The following KIFC3 variants were observed in gnomAD, a reference collection of about 807,000 sequenced individuals.
KIFC3 encodes the protein kinesin family member C3, also known as kinesin-like protein KIFC3.
Under a neutral mutation model 101.8 loss-of-function variants are expected in KIFC3, and 60 were observed. That is an observed-to-expected ratio of 0.59 (90% CI 0.48 to 0.73). The LOEUF (loss-of-function observed/expected upper bound fraction) is 0.73. Ranked by LOEUF, KIFC3 falls within the 30% of genes least tolerant of loss-of-function variation. The pLI, the probability that KIFC3 is intolerant of heterozygous loss-of-function variation, is 0.00. For synonymous variants in KIFC3, 476 were observed against 482.7 expected (o/e 0.99, Z 0.18); for missense variants, 966 against 1,137.1 (o/e 0.85, Z 2.16).
At chr16:57,848,060 A>T (rs2055972459) in intron 1 of KIFC3, among the ~76,000 whole-genome samples, 1 of 152,218 alleles carries the variant, frequency 6.6e-6, no homozygotes, top group African/African-American at 2.4e-5. Flanking sequence ...TACTGGCATT[A>T]CAGGCGTGGG....
chr16:57,801,723 C>T (rs2054737819), intron 1 of KIFC3, among the ~76,000 whole-genome samples: 1 of 152,232 alleles, frequency 6.6e-6, no homozygotes, highest in Non-Finnish European at 1.5e-5. Flanking sequence ...ACAGCTTCCT[C>T]TTTAATATCT....
rs2051345106 is a variant in KIFC3, at chr16:57,772,250, C to A, written c.354G>T (p.Gln118His). ...HLKEKLISQA[Q>H]EVSRLRSELG... is the part of the protein sequence containing the mutation. Reference sequence around the variant, plus strand: ...GCTCAGATCGCAGTCGGCTCACTTCCTGGGCCTGGCTAATGAGCTTCTCCT... The same window carrying A: ...GCTCAGATCGCAGTCGGCTCACTTCATGGGCCTGGCTAATGAGCTTCTCCT... The change falls in exon 4 of 20, where the codon CAG (glutamine) becomes CAT (histidine). Residue 118 changes from glutamine to histidine, a missense_variant. By Grantham distance (24) the Gln-to-His change is conservative (BLOSUM62 0). Around this residue, in one of 2 missense-constraint regions of KIFC3, gnomAD observed 277 missense variants for 252.5 expected, o/e 1.10. Coordinates refer to ENST00000445690, the MANE Select transcript of KIFC3 (RefSeq NM_001130100.2). 6.2e-7 allele frequency: 1 copy of A among 1,613,708 alleles called. No individual in the cohort carries two copies. Among genetic ancestry groups the A allele is most frequent in the South Asian group, 1.1e-5 (1 of 91,082 alleles).
intron 1 of KIFC3, among the ~76,000 whole-genome samples, chr16:57,851,805 T>C (rs1325681383): frequency 6.6e-6 from 1 of 152,048 alleles, no homozygotes; most frequent in Non-Finnish European, 1.5e-5. Context: ...AATGGTGCAA[T>C]CTTGGCTCAC....
At chr16:57,842,330 GCC>G (rs2149313917) in intron 1 of KIFC3, among the ~76,000 whole-genome samples, 1 of 152,210 alleles carries the variant, frequency 6.6e-6, no homozygotes, top group East Asian at 1.9e-4. Flanking sequence ...CAGGGTCAGA[GCC>G]CCCTGTGTCT....
intron 12 of KIFC3, 128 bp from the exon 13 acceptor site, chr16:57,762,398 TG>T: frequency 1.0e-6 from 1 of 980,020 alleles, no homozygotes; most frequent in Non-Finnish European, 1.4e-6. Context: ...CTTACCTACC[TG>T]CCACTGTCCC....
At chr16:57,827,120 G>A (rs1048245330) in intron 1 of KIFC3, among the ~76,000 whole-genome samples, 37 of 152,360 alleles carry the variant, frequency 2.4e-4, no homozygotes, top group African/African-American at 8.4e-4. Flanking sequence ...CATGGACCCC[G>A]TCATCTCTCA....
chr16:57,796,754 A>T (rs80182397), intron 2 of KIFC3, among the ~76,000 whole-genome samples: 2,818 of 152,326 alleles, frequency 0.018, 102 homozygotes, highest in African/African-American at 0.065. Context: ...ATGCACACAC[A>T]CACACAGACA....
In KIFC3 at chr16:57,835,828, T is replaced by A. The variant is rs117311661; in HGVS notation, c.108+26901A>T. On this transcript the variant is annotated intron_variant, in intron 1 of 2. Coordinates refer to the KIFC3 transcript ENST00000563028. ...AGCCAGATATGGTGGCATGTGCCTG[T>A]AACCCTAGCTACTCAGGAGGCTAAG... Among the ~76,000 whole-genome samples, 159 of 152,296 alleles carry A rather than the reference T, an allele frequency of 1.0e-3. 2 individuals carry two copies. The East Asian group carries it at 0.028, about 27-fold the overall frequency.
intron 1 of KIFC3, among the ~76,000 whole-genome samples, chr16:57,853,896 G>T (rs1053057804): frequency 1.2e-4 from 19 of 152,138 alleles, no homozygotes; most frequent in Admixed American, 9.2e-4. Context: ...GCCTCCCAAA[G>T]TGTTGGGATT....
At chr16:57,815,548 A>G (rs1321243994) in intron 1 of KIFC3, 7 of 1,288,522 alleles carry the variant, frequency 5.4e-6, no homozygotes, top group African/African-American at 1.5e-5. Flanking sequence ...GATGCCCTCC[A>G]AGACCAACAC....
chr16:57,764,240 TG>T lies in KIFC3; in HGVS notation c.1519del (p.Gln507ArgfsTer80). On this transcript the variant is annotated frameshift_variant, in exon 12 of 20. Transcript: ENST00000445690. LOFTEE classifies it high-confidence loss of function. ...SPQASQQDVF[Q>X]EVQALVTSCI... ...AGAGGTGACCAGGGCCTGCACCTCC[TG>T]GAACACCTGGGAGGGTGGTGGGAGG... The T allele has an allele frequency of 2.9e-6, 4 of 1,357,134 alleles. No individual in the cohort carries two copies. The highest frequency in any genetic ancestry group is 4.0e-6 in the Non-Finnish European group (4 of 992,168). The allele number at this position is 1,357,134 out of a possible 1,614,324, so 84.1% of individuals were successfully genotyped here.
At chr16:57,780,875 A>G (rs569368446) in intron 3 of KIFC3, among the ~76,000 whole-genome samples, 1 of 151,922 alleles carries the variant, frequency 6.6e-6, no homozygotes, top group South Asian at 2.1e-4. Context: ...GGGTTTCACC[A>G]TGTTGGCCAG....
chr16:57,843,131 C>G (rs1164938415), intron 1 of KIFC3, among the ~76,000 whole-genome samples: 1 of 151,948 alleles, frequency 6.6e-6, no homozygotes, highest in Admixed American at 6.6e-5. Flanking sequence ...GAAATTCTGT[C>G]TCAAAAAATA....
intron 10 of KIFC3, among the ~76,000 whole-genome samples, chr16:57,766,559 A>C (rs2050509415): frequency 6.6e-6 from 1 of 152,104 alleles, no homozygotes; most frequent in Non-Finnish European, 1.5e-5. Flanking sequence ...GGTCAGAATA[A>C]GCGGCTTTCC....
intron 1 of KIFC3, among the ~76,000 whole-genome samples, chr16:57,855,972 A>G (rs1213435085): frequency 6.6e-6 from 1 of 151,546 alleles, no homozygotes; most frequent in African/African-American, 2.4e-5. Context: ...CAAAAACAAA[A>G]ACAAACTAAC....
In KIFC3 at chr16:57,761,142, C is replaced by T. The variant is rs199895414; in HGVS notation, c.1902G>A (p.Thr634=). ...GCTCGTTCAGGTTGGTGAACTCGGTCGTGCGATTAGTGTGGCCAAACTCAA... is the reference window on the plus strand; with the variant it reads ...GCTCGTTCAGGTTGGTGAACTCGGTTGTGCGATTAGTGTGGCCAAACTCAA... ...KVFEFGHTNR[T]TEFTNLNEHS... Residue 634 remains threonine, a synonymous_variant, in exon 15 of 20, where the codon ACG becomes ACA. Coordinates refer to ENST00000445690, the MANE Select transcript of KIFC3 (RefSeq NM_001130100.2). 1.2e-5 allele frequency: 20 copies of T among 1,613,942 alleles called. No homozygotes were observed. The highest frequency in any genetic ancestry group is 1.7e-4 in the Middle Eastern group (1 of 6,040).
chr16:57,775,527 G>A, intron 3 of KIFC3: 1 of 986,948 alleles, frequency 1.0e-6, no homozygotes. Flanking sequence ...GAGAGAAACG[G>A]AGGCACCTGG....
intron 3 of KIFC3, among the ~76,000 whole-genome samples, chr16:57,786,213 A>G (rs1254518395): frequency 2.0e-5 from 3 of 152,144 alleles, no homozygotes; most frequent in Non-Finnish European, 4.4e-5. Context: ...AGCCCCACAC[A>G]TGGAGCAAGA....
intron 3 of KIFC3, chr16:57,776,303 A>G (rs538012811): frequency 2.0e-6 from 2 of 985,506 alleles, no homozygotes; most frequent in East Asian, 1.1e-4. Flanking sequence ...TGGAGCCCAC[A>G]GAAGGCCTGA....
Sources: gnomAD v4.1 joint callset for allele counts (sites outside exome capture counted in the v4.1 genomes callset) on GRCh38, gnomAD v4.1.1 for gene constraint, gnomAD v4.1.1 regional missense constraint, MANE v1.5 for transcripts, NCBI Gene and HGNC (gene_info 2026-07-23, HGNC 2026-07-21) for gene names.